The following AMOTL2 variants were observed in gnomAD, a reference collection of about 807,000 sequenced individuals.
AMOTL2 encodes angiomotin-like protein 2.
AMOTL2 carries 33 observed loss-of-function variants against 78.4 expected under a neutral mutation model. That is an observed-to-expected ratio of 0.42 (90% CI 0.32 to 0.56). The LOEUF is 0.56. Ranked by LOEUF, AMOTL2 falls within the 20% of genes least tolerant of loss-of-function variation. AMOTL2 has a pLI of 0.12. For synonymous variants in AMOTL2, 422 were observed against 428.8 expected (o/e 0.98, Z 0.20); for missense variants, 983 against 1,030.1 (o/e 0.95, Z 0.63).
At chr3:134,359,736 C>T (rs1388359831) in intron 7 of AMOTL2, among the ~76,000 whole-genome samples, 2 of 152,214 alleles carry the variant, frequency 1.3e-5, no homozygotes, top group Non-Finnish European at 2.9e-5. Flanking sequence ...GCATAAGGCC[C>T]TGGGCCCTTC....
At chr3:134,370,386 G>A (rs1362798071) in intron 2 of AMOTL2, among the ~76,000 whole-genome samples, 2 of 152,194 alleles carry the variant, frequency 1.3e-5, no homozygotes, top group Admixed American at 6.5e-5. Context: ...TTGCCTTTAG[G>A]AAGTTCTTTC....
Position 134,361,848 on chromosome 3 carries a change from T to C in AMOTL2, c.1280-41A>G, listed in dbSNP as rs749947271. ...GGCTTGATCAGTGACAGTGACCACGTTGGCTGGCCCCATTGCCTCCTGGGC... is the reference window on the plus strand; with the variant it reads ...GGCTTGATCAGTGACAGTGACCACGCTGGCTGGCCCCATTGCCTCCTGGGC... On this transcript the variant is annotated intron_variant, in intron 5 of 9. Coordinates refer to ENST00000249883, the MANE Select transcript of AMOTL2 (RefSeq NM_016201.4). 11 of 1,482,734 alleles carry C rather than the reference T, an allele frequency of 7.4e-6. No individual in the cohort carries two copies. In the South Asian group the frequency reaches 8.0e-5, roughly 11 times the overall value. 91.8% of individuals were successfully genotyped at this position (1,482,734 alleles called of 1,614,324 possible).
chr3:134,359,449 A>G lies in AMOTL2; in HGVS notation c.1938T>C (p.Leu646=). 6.2e-7 allele frequency: 1 copy of G among 1,614,132 alleles called. No homozygotes were observed. Among genetic ancestry groups the G allele is most frequent in the Non-Finnish European group, 8.5e-7 (1 of 1,180,024 alleles). The part of the protein sequence containing the change: ...ILEKDAVIKV[L]QQRSRRDPGK... The stretch of plus-strand genomic sequence containing the variant: ...CAGGGTCTCTCCTGGAGCGCTGCTG[A>G]AGGACCTTGATCACTGCATCCTTCT... Residue 646 remains leucine, a synonymous_variant, in exon 8 of 10, where the codon CTT becomes CTC. Coordinates refer to ENST00000249883, the MANE Select transcript of AMOTL2 (RefSeq NM_016201.4).
In AMOTL2 at chr3:134,370,129, C is replaced by G. The variant is rs888552209; in HGVS notation, c.734+571G>C. ...CACTTGGACCCAGAATCCTTTCCCA[C>G]TGCAGGCTGCAGACGCAGGGAGCAT... On this transcript the variant is annotated intron_variant, in intron 2 of 9. Transcript: ENST00000249883. 2.6e-5 allele frequency among the ~76,000 whole-genome samples: 4 copies of G among 152,324 alleles called. No individual in the cohort carries two copies. In the East Asian group the frequency reaches 7.7e-4, roughly 29 times the overall value.
chr3:134,370,390 T>C (rs1296089079), intron 2 of AMOTL2, among the ~76,000 whole-genome samples: 1 of 152,214 alleles, frequency 6.6e-6, no homozygotes, highest in Non-Finnish European at 1.5e-5. Context: ...CTTTAGGAAG[T>C]TCTTTCTGAA....
In AMOTL2 at chr3:134,361,613, C is replaced by G; in HGVS notation, c.1474G>C (p.Ala492Pro). 6.2e-7 allele frequency: 1 copy of G among 1,612,956 alleles called. No individual in the cohort carries two copies. Among genetic ancestry groups the G allele is most frequent in the South Asian group, 1.1e-5 (1 of 91,088 alleles). Residue 492 changes from alanine to proline, a missense_variant, in exon 6 of 10, where the codon GCG becomes CCG. Physicochemically the swap from Ala to Pro is conservative, Grantham distance 27. Transcript: ENST00000249883. The part of the protein sequence containing the change: ...YVEKVERLQQ[A>P]LGQLQAACEK... ...CAGGCTGCCTGCAGCTGCCCGAGCG[C>G]CTGCTGCAGCCGCTCCACTTTCTCC...
At chr3:134,365,743 T>C (rs1380512628) in intron 5 of AMOTL2, 74 bp downstream of exon 5, 2 of 1,392,426 alleles carry the variant, frequency 1.4e-6, no homozygotes, top group Middle Eastern at 1.9e-4. Context: ...AGGCCAATCT[T>C]CCTAGTCCAG....
chr3:134,372,583 A>G (rs2017918366), intron 1 of AMOTL2, among the ~76,000 whole-genome samples: 1 of 145,638 alleles, frequency 6.9e-6, no homozygotes, highest in Non-Finnish European at 1.5e-5. Context: ...TACTTGGAAA[A>G]GCCCCCACTG....
chr3:134,369,184 G>C (rs539589593), intron 2 of AMOTL2, among the ~76,000 whole-genome samples: 1 of 152,118 alleles, frequency 6.6e-6, no homozygotes, highest in Non-Finnish European at 1.5e-5. Context: ...CCTAAGGTGG[G>C]GCTTCCAGTA....
rs572338442 is a variant in AMOTL2, at chr3:134,361,257, C to G, written c.1575+255G>C. Among the ~76,000 whole-genome samples the G allele has an allele frequency of 1.1e-3, 163 of 152,286 alleles. 1 individual carries two copies. Among genetic ancestry groups the G allele is most frequent in the Non-Finnish European group, 1.6e-3 (110 of 68,000 alleles). On this transcript the variant is annotated intron_variant, in intron 6 of 9. Transcript: ENST00000249883. Reference sequence around the variant, plus strand: ...CAAGGACAACTAGCCCTGCTGCTGCCGAGGACAGGAGTCCCCCGAGGCTGG... The same window carrying G: ...CAAGGACAACTAGCCCTGCTGCTGCGGAGGACAGGAGTCCCCCGAGGCTGG...
chr3:134,362,514 C>T (rs3773819), intron 5 of AMOTL2, among the ~76,000 whole-genome samples: 3 of 152,092 alleles, frequency 2.0e-5, no homozygotes, highest in African/African-American at 4.8e-5. Flanking sequence ...AGACCCAGGC[C>T]GAGAGGTCCG....
chr3:134,360,417 C>CAGAGCAAGGA lies in AMOTL2; in HGVS notation c.1576-14_1576-5dup. The stretch of plus-strand genomic sequence containing the variant: ...CACCTGGGGCACCTGCCTGTCTCTG[C>CAGAGCAAGGA]AGAGCAAGGAGTAGAGACCGTGGTC... On this transcript the variant is annotated splice_region_variant and splice_polypyrimidine_tract_variant and intron_variant, in intron 6 of 9. Coordinates refer to ENST00000249883, the MANE Select transcript of AMOTL2 (RefSeq NM_016201.4). The CAGAGCAAGGA allele has an allele frequency of 6.2e-7, 1 of 1,608,084 alleles. No individual in the cohort carries two copies. Among genetic ancestry groups the CAGAGCAAGGA allele is most frequent in the Non-Finnish European group, 8.5e-7 (1 of 1,177,100 alleles).
intron 1 of AMOTL2, chr3:134,373,776 T>A (rs2017975419): frequency 1.0e-6 from 1 of 985,348 alleles, no homozygotes; most frequent in Non-Finnish European, 1.2e-6. Flanking sequence ...CGGGTCCGCC[T>A]CCCTCCCTCT....
intron 6 of AMOTL2, among the ~76,000 whole-genome samples, chr3:134,361,029 C>G (rs1424259914): frequency 6.6e-6 from 1 of 152,156 alleles, no homozygotes; most frequent in Non-Finnish European, 1.5e-5. Flanking sequence ...CAAAAATTAG[C>G]TGGGCGTGGT....
chr3:134,373,745 C>T, intron 1 of AMOTL2: 1 of 985,432 alleles, frequency 1.0e-6, no homozygotes, highest in Non-Finnish European at 1.2e-6. Flanking sequence ...GCCCGAGGCC[C>T]GGAGAGGTCT....
Position 134,361,570 on chromosome 3 carries a change from A to C in AMOTL2, c.1517T>G (p.Leu506Arg), listed in dbSNP as rs775979387. ...LQAACEKREQ[L>R]ELRLRTRLEQ... ...CAGGCGAGTCCGCAGACGCAGCTCC[A>C]GCTGCTCCCGCTTCTCACAGGCTGC... The change falls in exon 6 of 10, where the codon CTG becomes CGG. Residue 506 changes from leucine to arginine, a missense_variant. Transcript: ENST00000249883. The C allele has an allele frequency of 6.2e-7, 1 of 1,613,370 alleles. No individual in the cohort carries two copies. Among genetic ancestry groups the C allele is most frequent in the African/African-American group, 1.3e-5 (1 of 74,946 alleles).
At chr3:134,373,037 CA>C (rs1371605305) in intron 1 of AMOTL2, among the ~76,000 whole-genome samples, 1 of 152,134 alleles carries the variant, frequency 6.6e-6, no homozygotes, top group African/African-American at 2.4e-5. Flanking sequence ...GCAGAGCAGC[CA>C]TTCCCGATCT....
At chr3:134,360,017 G>T in intron 7 of AMOTL2, 89 bp downstream of exon 7, 1 of 1,380,342 alleles carries the variant, frequency 7.2e-7, no homozygotes, top group Non-Finnish European at 9.8e-7. Flanking sequence ...GGGGAAAGGG[G>T]CCTGTTTATC....
chr3:134,371,183 T>C lies in AMOTL2; in HGVS notation c.251A>G (p.Asn84Ser), dbSNP rs1252216572. Residue 84 changes from asparagine to serine, a missense_variant, in exon 2 of 10, where the codon AAC (asparagine) becomes AGC (serine). Asn to Ser is a conservative substitution (Grantham distance 46). Transcript: ENST00000249883. ...GTAGAGGGTGTTCTCTGCCAGGTGG[T>C]TCTCACCGCCCTGGTGCTCCTGGCC... ...PQGQEHQGGE[N>S]HLAENTLYRL... The C allele has an allele frequency of 6.2e-6, 10 of 1,613,740 alleles. No individual in the cohort carries two copies. Among genetic ancestry groups the C allele is most frequent in the Non-Finnish European group, 8.5e-6 (10 of 1,179,960 alleles).
Sources: gnomAD v4.1 joint callset for allele counts (sites outside exome capture counted in the v4.1 genomes callset) on GRCh38, gnomAD v4.1.1 for gene constraint, MANE v1.5 for transcripts, NCBI Gene and HGNC (gene_info 2026-07-23, HGNC 2026-07-21) for gene names.